Variants in FGF14 observed in about 807,000 individuals in gnomAD.
FGF14 encodes the protein fibroblast growth factor 14.
FGF14 carries 5 observed loss-of-function variants against 25.5 expected under a neutral mutation model. The observed-to-expected ratio is 0.20, with a 90% confidence interval of 0.10 to 0.41. The LOEUF (loss-of-function observed/expected upper bound fraction) is 0.41. Ranked by LOEUF, FGF14 falls within the 10% of genes least tolerant of loss-of-function variation. FGF14 has a pLI of 1.00. For missense variants in FGF14, 222 were observed against 320.1 expected, an observed-to-expected ratio of 0.69 and a Z score of 2.34; for synonymous variants, 138 against 118.3, an observed-to-expected ratio of 1.17 and a Z score of -1.08.
At chr13:101,771,959 C>G (rs775377330) in intron 3 of FGF14, among the ~76,000 whole-genome samples, 11 of 151,944 alleles carry the variant, frequency 7.2e-5, no homozygotes, top group Non-Finnish European at 1.6e-4. Context: ...ATGTTATTTT[C>G]TGTCTGCTCT....
intron 1 of FGF14, among the ~76,000 whole-genome samples, chr13:102,206,050 T>C (rs980564210): frequency 1.7e-5 from 2 of 120,072 alleles, no homozygotes; most frequent in African/African-American, 3.0e-5. Context: ...AGATTCCAGC[T>C]ACTAGGATTA....
chr13:101,910,276 AAAT>A (rs974502662), intron 1 of FGF14, among the ~76,000 whole-genome samples: 2 of 152,026 alleles, frequency 1.3e-5, no homozygotes, highest in Non-Finnish European at 2.9e-5. Flanking sequence ...AATCAGACCA[AAAT>A]AATAATAATA....
intron 1 of FGF14, among the ~76,000 whole-genome samples, chr13:101,993,380 T>C (rs2039008870): frequency 6.6e-6 from 1 of 151,936 alleles, no homozygotes; most frequent in Non-Finnish European, 1.5e-5. Context: ...GAAAACAATA[T>C]TGGAGAGAAG....
At chr13:102,053,964 A>C (rs2042323619) in intron 1 of FGF14, among the ~76,000 whole-genome samples, 1 of 152,162 alleles carries the variant, frequency 6.6e-6, no homozygotes, top group Non-Finnish European at 1.5e-5. Flanking sequence ...GTTTTAAATC[A>C]ATGAGTGAAG....
intron 1 of FGF14, among the ~76,000 whole-genome samples, chr13:101,977,624 GAGC>G (rs1203560547): frequency 6.6e-6 from 1 of 152,072 alleles, no homozygotes; most frequent in Non-Finnish European, 1.5e-5. Context: ...CTGGACAAGA[GAGC>G]AGATGACCCC....
intron 1 of FGF14, among the ~76,000 whole-genome samples, chr13:102,154,311 G>A (rs9554845): frequency 1.3e-5 from 2 of 150,880 alleles, no homozygotes; most frequent in Non-Finnish European, 2.9e-5. Flanking sequence ...GACTAACAGC[G>A]GATCTCTCGG....
chr13:101,754,585 C>T (rs184028578), intron 3 of FGF14, among the ~76,000 whole-genome samples: 11 of 151,962 alleles, frequency 7.2e-5, no homozygotes, highest in South Asian at 2.1e-4. Flanking sequence ...AAAACTCAGC[C>T]GAGCGTAGTG....
chr13:101,971,623 C>T (rs1334440374), intron 1 of FGF14, among the ~76,000 whole-genome samples: 1 of 152,208 alleles, frequency 6.6e-6, no homozygotes, highest in East Asian at 1.9e-4. Context: ...CCACCCTTTT[C>T]AGCCTCCCAA....
intron 1 of FGF14, among the ~76,000 whole-genome samples, chr13:101,956,223 T>C (rs2036504932): frequency 6.6e-6 from 1 of 152,196 alleles, no homozygotes; most frequent in African/African-American, 2.4e-5. Context: ...ATTCATGTGA[T>C]AAATTGCACT....
intron 1 of FGF14, among the ~76,000 whole-genome samples, chr13:102,185,904 A>G (rs1309496971): frequency 6.6e-6 from 1 of 152,202 alleles, no homozygotes; most frequent in Admixed American, 6.6e-5. Context: ...TAACCCTTTC[A>G]TACCAAAAGA....
chr13:102,362,101 A>C (rs1353208759), intron 1 of FGF14, among the ~76,000 whole-genome samples: 1 of 152,120 alleles, frequency 6.6e-6, no homozygotes, highest in Non-Finnish European at 1.5e-5. Flanking sequence ...TACTGCCAGA[A>C]ACTGATGTGA....
In FGF14 at chr13:101,799,147, A is replaced by G. The variant is rs145164406; in HGVS notation, c.408+69578T>C. ...GTTCAACATCTACTCAAGTCTCAGC[A>G]TAATTTGGCTTTTTCTTTACCTGAA... On this transcript the variant is annotated intron_variant, in intron 3 of 4. Transcript: ENST00000376143. Among the ~76,000 whole-genome samples, 425 of 152,240 alleles carry G rather than the reference A, an allele frequency of 2.8e-3. 1 individual carries two copies. The highest frequency in any genetic ancestry group is 0.01 in the African/African-American group (417 of 41,580).
chr13:101,760,017 C>G (rs928327890), intron 3 of FGF14, among the ~76,000 whole-genome samples: 3 of 152,116 alleles, frequency 2.0e-5, no homozygotes, highest in Non-Finnish European at 2.9e-5. Context: ...CATCTAATAC[C>G]AACCCCTGAG....
At chr13:102,094,252 G>A (rs1407315362) in intron 1 of FGF14, among the ~76,000 whole-genome samples, 2 of 152,190 alleles carry the variant, frequency 1.3e-5, no homozygotes, top group African/African-American at 2.4e-5. Context: ...TCAAGAAAAA[G>A]CAAAGTCATG....
In FGF14 at chr13:102,236,473, G is replaced by T. The variant is rs185631832; in HGVS notation, c.208+164998C>A. On this transcript the variant is annotated intron_variant, in intron 1 of 4. Coordinates refer to the FGF14 transcript ENST00000376131. The stretch of plus-strand genomic sequence containing the variant: ...GACAGACTGAGAACTCTCACCGGAC[G>T]CAAACAGGAAGCCTGAACCTATTTG... 5.9e-5 allele frequency among the ~76,000 whole-genome samples: 9 copies of T among 151,980 alleles called. No individual in the cohort carries two copies. The East Asian group carries it at 1.6e-3, about 26-fold the overall frequency.
At chr13:102,373,879 T>C (rs2057958745) in intron 1 of FGF14, among the ~76,000 whole-genome samples, 2 of 151,568 alleles carry the variant, frequency 1.3e-5, no homozygotes, top group Non-Finnish European at 2.9e-5. Flanking sequence ...TCTAAAAAAA[T>C]ATCAATGCTT....
chr13:101,782,943 G>A (rs1314493802), intron 3 of FGF14, among the ~76,000 whole-genome samples: 1 of 152,120 alleles, frequency 6.6e-6, no homozygotes, highest in Non-Finnish European at 1.5e-5. Flanking sequence ...GGTCTTTGAG[G>A]AATTGTCACT....
intron 1 of FGF14, among the ~76,000 whole-genome samples, chr13:102,279,219 A>C (rs1253562556): frequency 6.6e-6 from 1 of 151,770 alleles, no homozygotes; most frequent in Non-Finnish European, 1.5e-5. Flanking sequence ...TAGATGATAG[A>C]TTTAATAAGG....
chr13:102,145,714 GC>G (rs896769864), intron 1 of FGF14, among the ~76,000 whole-genome samples: 1 of 152,060 alleles, frequency 6.6e-6, no homozygotes, highest in African/African-American at 2.4e-5. Flanking sequence ...GCTATGTTAG[GC>G]CCCCAAACCA....
Sources: gnomAD v4.1 joint callset for allele counts (sites outside exome capture counted in the v4.1 genomes callset) on GRCh38, gnomAD v4.1.1 for gene constraint, MANE v1.5 for transcripts, NCBI Gene and HGNC (gene_info 2026-07-23, HGNC 2026-07-21) for gene names.